Variants in NBPF10 observed in about 807,000 individuals in gnomAD.
The protein encoded by NBPF10 is NBPF member 10.
In NBPF10, 63 loss-of-function variants were observed where a neutral mutation model predicts 77.9. The ratio of observed to expected loss-of-function variants is 0.81; its 90% confidence interval spans 0.66 to 1.00. The LOEUF is 1.00. NBPF10 is among the 50% of genes least tolerant of loss of function. The probability of loss-of-function intolerance (pLI) is 0.00; values close to 1 mark genes in which losing one functional copy is unlikely to be tolerated. For synonymous variants in NBPF10, 146 were observed against 264.5 expected, an observed-to-expected ratio of 0.55 and a Z score of 4.35; for missense variants, 522 against 679.8, an observed-to-expected ratio of 0.77 and a Z score of 2.58.
At chr1:146,125,929 A>G (rs1350705416) in intron 14 of NBPF10, among the ~76,000 whole-genome samples, 3 of 151,756 alleles carry the variant, frequency 2.0e-5, no homozygotes, top group Admixed American at 2.0e-4. Flanking sequence ...GAAATCTACA[A>G]GATCTACAAA....
intron 13 of NBPF10, among the ~76,000 whole-genome samples, chr1:146,126,658 A>C (rs1260606645): frequency 8.3e-5 from 12 of 144,726 alleles, no homozygotes; most frequent in Non-Finnish European, 1.4e-4. Flanking sequence ...TCAATTGGTC[A>C]GGTGACACAC....
intron 14 of NBPF10, 97 bp downstream of exon 14, chr1:146,126,139 G>A: frequency 1.2e-6 from 1 of 809,228 alleles, no homozygotes; most frequent in Admixed American, 1.8e-5. Flanking sequence ...CTGTGGCAAT[G>A]ACATCTCTCA....
At chr1:146,068,230 G>C in intron 87 of NBPF10, 55 bp from the exon 88 acceptor site, 1 of 268,794 alleles carries the variant, frequency 3.7e-6, no homozygotes, top group South Asian at 2.5e-5. Flanking sequence ...AAACCACACA[G>C]CCCCAGCTAG....
In NBPF10 at chr1:146,126,367, A is replaced by T. The variant is rs782257154; in HGVS notation, c.1895T>A (p.Leu632Ter). The change falls in exon 14 of 90, where the codon TTG (leucine) becomes TAG (stop). Residue 632 changes from leucine to a stop codon, truncating the protein, a stop_gained. Coordinates refer to ENST00000583866, the Ensembl canonical transcript of NBPF10. LOFTEE classifies it high-confidence loss of function. ...ATAACATCTATCCTGTGAGTCCTGC[A>T]AGACTTCAGGCCCTTTCTCATCCAG... is the stretch of plus-strand genomic sequence containing the variant. 2.9e-6 allele frequency: 4 copies of T among 1,388,268 alleles called. No homozygotes were observed. The highest frequency in any genetic ancestry group is 4.5e-5 in the East Asian group (2 of 44,036). 86.0% of individuals were successfully genotyped at this position (1,388,268 alleles called of 1,614,324 possible).
intron 7 of NBPF10, among the ~76,000 whole-genome samples, chr1:146,135,832 A>G (rs1309083761): frequency 7.0e-6 from 1 of 142,310 alleles, no homozygotes; most frequent in Non-Finnish European, 1.5e-5. Flanking sequence ...CTGGCCATGG[A>G]CATTTCCATG....
At chr1:146,080,988 C>A (rs1553781485) in intron 71 of NBPF10, among the ~76,000 whole-genome samples, 1 of 79,954 alleles carries the variant, frequency 1.3e-5, no homozygotes, top group Non-Finnish European at 3.4e-5. Context: ...CACACACACA[C>A]ACACACACAC....
At chr1:146,069,654 A>G (rs1322042690) in exon 86 of NBPF10, 75 of 1,490,446 alleles carry the variant, frequency 5.0e-5, no homozygotes, top group African/African-American at 6.2e-5. Context: ...GTTGAATAAC[A>G]TCTATCCAGT....
At chr1:146,126,718 G>T (rs1303401786) in intron 13 of NBPF10, among the ~76,000 whole-genome samples, 2 of 146,400 alleles carry the variant, frequency 1.4e-5, no homozygotes, top group African/African-American at 5.0e-5. Context: ...AGGACACACA[G>T]TGAACAGTGA....
chr1:146,091,537 C>CGGCAAT, intron 58 of NBPF10, 105 bp downstream of exon 58: 3 of 47,268 alleles, frequency 6.3e-5, no homozygotes, highest in Non-Finnish European at 7.9e-5. Flanking sequence ...GTCCTGCCTG[C>CGGCAAT]GGCAATGACG....
At chr1:146,072,741 G>C in exon 82 of NBPF10, 1 of 77,490 alleles carries the variant, frequency 1.3e-5, no homozygotes, top group South Asian at 5.6e-5. Context: ...TCCACGTCAA[G>C]AGCCAAGCCA....
At chr1:146,066,492 C>T (rs587754724) in exon 90 of NBPF10, 7 of 708,730 alleles carry the variant, frequency 9.9e-6, no homozygotes, top group African/African-American at 7.0e-5. Context: ...TTGACGGAGT[C>T]GAATAACATC....
chr1:146,109,339 C>G (rs879979717), intron 35 of NBPF10, among the ~76,000 whole-genome samples: 4 of 104,382 alleles, frequency 3.8e-5, no homozygotes, highest in African/African-American at 1.3e-4. Context: ...CACACACACA[C>G]ACACACAGAG....
intron 14 of NBPF10, among the ~76,000 whole-genome samples, chr1:146,125,961 T>C (rs1200453358): frequency 6.6e-6 from 1 of 151,626 alleles, no homozygotes; most frequent in Non-Finnish European, 1.5e-5. Context: ...ATCAGAGTTG[T>C]GTGAATTTGT....
exon 14 of NBPF10, chr1:146,126,249 A>T (rs1553789852): frequency 2.5e-6 from 4 of 1,608,334 alleles, no homozygotes; most frequent in South Asian, 1.1e-5. Context: ...CCATGTCAAT[A>T]GCCAAGCCAA....
In NBPF10 at chr1:146,069,152, C is replaced by A. The variant is rs1395290389; in HGVS notation, c.10811-329G>T. On this transcript the variant is annotated intron_variant, in intron 86 of 89. Transcript: ENST00000583866. ...CTGCTAGGAGAAAAACTGCACTATT[C>A]AGCCCTGTCTCATCAAATACTCAGA... 3.9e-5 allele frequency among the ~76,000 whole-genome samples: 3 copies of A among 77,176 alleles called. 1 individual carries two copies. Among genetic ancestry groups the A allele is most frequent in the Admixed American group, 1.4e-4 (1 of 7,056 alleles). The allele number at this position is 77,176 out of a possible 152,430, so 50.6% of individuals were successfully genotyped here.
intron 7 of NBPF10, 88 bp downstream of exon 7, chr1:146,136,265 G>C (rs1553794879): frequency 2.2e-6 from 2 of 905,994 alleles, no homozygotes; most frequent in Non-Finnish European, 3.6e-6. Flanking sequence ...CCCTGGCCCA[G>C]CTTAGCTCTT....
intron 15 of NBPF10, among the ~76,000 whole-genome samples, chr1:146,125,087 A>G (rs1316736808): frequency 3.0e-5 from 2 of 66,740 alleles, no homozygotes; most frequent in South Asian, 5.2e-4. Context: ...AGAGAGGAGA[A>G]AGTGAGCTCA....
chr1:146,142,347 C>T (rs868927644), intron 2 of NBPF10, among the ~76,000 whole-genome samples: 1 of 132,084 alleles, frequency 7.6e-6, no homozygotes, highest in Non-Finnish European at 1.8e-5. Context: ...CGATAGCACA[C>T]CATTTTGATT....
intron 86 of NBPF10, among the ~76,000 whole-genome samples, chr1:146,069,159 G>T: frequency 1.3e-5 from 1 of 78,388 alleles, no homozygotes; most frequent in East Asian, 2.6e-4. Flanking sequence ...ATTCAGCCCT[G>T]TCTCATCAAA....
Sources: allele counts gnomAD v4.1 joint callset (sites outside exome capture counted in the v4.1 genomes callset), GRCh38; gene constraint gnomAD v4.1.1; transcripts MANE v1.5; gene names NCBI Gene and HGNC (gene_info 2026-07-23, HGNC 2026-07-21).